GRXCR2: variants seen among roughly 807,000 people sequenced by gnomAD.
GRXCR2 encodes the protein glutaredoxin and cysteine rich domain containing 2, also known as glutaredoxin domain-containing cysteine-rich protein 2.
Under a neutral mutation model 24.8 loss-of-function variants are expected in GRXCR2, and 23 were observed. The observed-to-expected ratio is 0.93, with a 90% CI of 0.67 to 1.32. GRXCR2 has a LOEUF of 1.32. Among genes scored for constraint, GRXCR2 ranks in the 40% most tolerant of loss-of-function variants. The pLI is 0.00. For synonymous variants in GRXCR2, 130 were observed against 116.1 expected (o/e 1.12, Z -0.77); for missense variants, 315 against 303.4 (o/e 1.04, Z -0.28).
chr5:145,899,436 A>G (rs1756995690), intron 2 of GRXCR2, among the ~76,000 whole-genome samples: 2 of 152,304 alleles, frequency 1.3e-5, no homozygotes, highest in East Asian at 1.9e-4. Flanking sequence ...ATAAAAAAAG[A>G]GCTCAAATAG....
intron 2 of GRXCR2, among the ~76,000 whole-genome samples, chr5:145,862,826 C>A (rs1756363303): frequency 2.0e-5 from 3 of 152,190 alleles, no homozygotes; most frequent in Non-Finnish European, 4.4e-5. Context: ...GTTTCCCTAG[C>A]TGCAGAATGT....
At chr5:145,913,079 G>A (rs571693879) in intron 2 of GRXCR2, among the ~76,000 whole-genome samples, 16 of 152,268 alleles carry the variant, frequency 1.1e-4, no homozygotes, top group African/African-American at 3.4e-4. Flanking sequence ...AGTGACAAAA[G>A]TAGTACAGTA....
chr5:145,892,650 G>A (rs568453642), intron 2 of GRXCR2, among the ~76,000 whole-genome samples: 23 of 152,322 alleles, frequency 1.5e-4, no homozygotes, highest in African/African-American at 3.1e-4. Context: ...CCAAATCTAC[G>A]TCTGACTGGT....
At chr5:145,909,535 A>G (rs1033924602) in intron 2 of GRXCR2, among the ~76,000 whole-genome samples, 1 of 152,138 alleles carries the variant, frequency 6.6e-6, no homozygotes, top group African/African-American at 2.4e-5. Context: ...TGCCCCCCTC[A>G]GTGTAACTGC....
intron 2 of GRXCR2, among the ~76,000 whole-genome samples, chr5:145,930,585 G>A (rs1442159365): frequency 1.3e-5 from 2 of 151,840 alleles, no homozygotes; most frequent in African/African-American, 2.4e-5. Flanking sequence ...AAACTGATTC[G>A]ACATTTTAAA....
rs1040999832 is a variant in GRXCR2, at chr5:145,891,788, G to A, written c.-69-25060C>T. ...TCTGACAGCTTTGAAGAGAGTGGTG[G>A]TTCTCCCAGCATGCAGCTGGATATC... On this transcript the variant is annotated intron_variant, in intron 2 of 3. Coordinates refer to the GRXCR2 transcript ENST00000639411. Among the ~76,000 whole-genome samples the A allele has an allele frequency of 2.0e-5, 3 of 152,160 alleles. 1 individual carries two copies. Among genetic ancestry groups the A allele is most frequent in the Admixed American group, 1.3e-4 (2 of 15,284 alleles).
Position 145,859,482 on chromosome 5 carries a change from C to G in GRXCR2, c.*251G>C. 1 of 549,166 alleles carries G rather than the reference C, an allele frequency of 1.8e-6. No individual in the cohort carries two copies. The highest frequency in any genetic ancestry group is 2.2e-5 in the South Asian group (1 of 46,434). 34.0% of individuals were successfully genotyped at this position (549,166 alleles called of 1,614,324 possible). A position where few individuals can be genotyped will look rare whatever the true frequency, so the allele number is the denominator to read the frequency against. ...GTCAAGTGAGATACACTCACACCAT[C>G]CTGGAAGGATAATTTTAGAACCAGT... On this transcript the variant is annotated 3_prime_UTR_variant, in exon 3 of 3. Coordinates refer to ENST00000377976, the MANE Select transcript of GRXCR2 (RefSeq NM_001080516.2).
chr5:145,928,383 C>T (rs1389728678), intron 2 of GRXCR2, among the ~76,000 whole-genome samples: 1 of 152,074 alleles, frequency 6.6e-6, no homozygotes, highest in Non-Finnish European at 1.5e-5. Context: ...TACCATTTGA[C>T]CCAGCAATCC....
At chr5:145,907,890 G>A (rs377422062) in intron 2 of GRXCR2, among the ~76,000 whole-genome samples, 4 of 152,134 alleles carry the variant, frequency 2.6e-5, no homozygotes, top group East Asian at 1.9e-4. Context: ...ATGAAGTTCC[G>A]GTGTTTGTTT....
intron 2 of GRXCR2, among the ~76,000 whole-genome samples, chr5:145,860,719 T>C (rs1756322275): frequency 6.6e-6 from 1 of 152,056 alleles, no homozygotes; most frequent in Non-Finnish European, 1.5e-5. Context: ...GGACTGAGGC[T>C]ATTGTCTGCC....
chr5:145,913,492 T>C (rs1757194084), intron 2 of GRXCR2, among the ~76,000 whole-genome samples: 1 of 152,142 alleles, frequency 6.6e-6, no homozygotes, highest in Admixed American at 6.5e-5. Context: ...ATAAAGGTAT[T>C]TTAATACCCC....
chr5:145,876,191 GTATATATATATATA>G (rs748811333), upstream of GRXCR2, among the ~76,000 whole-genome samples: 2 of 105,312 alleles, frequency 1.9e-5, no homozygotes, highest in Admixed American at 2.0e-4. Context: ...GTGTGTGTGT[GTATATATATATATA>G]TATATATATA....
intron 2 of GRXCR2, among the ~76,000 whole-genome samples, chr5:145,892,789 A>G (rs1170230993): frequency 2.0e-5 from 3 of 152,232 alleles, no homozygotes; most frequent in African/African-American, 7.2e-5. Context: ...GAATGCCACA[A>G]AGATACTCCT....
At chr5:145,877,311 G>T (rs111967553), upstream of GRXCR2, among the ~76,000 whole-genome samples, 3,282 of 149,560 alleles carry the variant, frequency 0.022, 111 homozygotes, top group African/African-American at 0.075. Flanking sequence ...TAGTAGAAAG[G>T]TCGATTAAAA....
At chr5:145,901,869 C>T (rs1284722782) in intron 2 of GRXCR2, among the ~76,000 whole-genome samples, 1 of 152,178 alleles carries the variant, frequency 6.6e-6, no homozygotes, top group Non-Finnish European at 1.5e-5. Flanking sequence ...TGATTGCAAA[C>T]ATCTGCTGCA....
At position 145,914,659 on chromosome 5, in the gene GRXCR2, G is replaced by A. The variant is rs1405360259; in HGVS notation, c.-70+21042C>T. The stretch of plus-strand genomic sequence containing the variant: ...TCATAGCACTCCAGCCTGGGTGATC[G>A]AACAAGACTCCATCTCAAAAAAAAA... On this transcript the variant is annotated intron_variant, in intron 2 of 3. Coordinates refer to the GRXCR2 transcript ENST00000639411. Among the ~76,000 whole-genome samples, 9 of 105,416 alleles carry A rather than the reference G, an allele frequency of 8.5e-5. No homozygotes were observed. The Admixed American group carries it at 1.2e-3, about 14-fold the overall frequency. 69.2% of individuals were successfully genotyped at this position (105,416 alleles called of 152,430 possible).
intron 2 of GRXCR2, among the ~76,000 whole-genome samples, chr5:145,894,385 G>A (rs1273358068): frequency 6.6e-6 from 1 of 152,122 alleles, no homozygotes; most frequent in African/African-American, 2.4e-5. Context: ...TAGACCGCTA[G>A]CAAGACTAAC....
intron 2 of GRXCR2, among the ~76,000 whole-genome samples, chr5:145,921,273 T>C (rs993702146): frequency 6.6e-6 from 1 of 152,138 alleles, no homozygotes; most frequent in Non-Finnish European, 1.5e-5. Flanking sequence ...ACTTACACAT[T>C]CATTAGATAT....
intron 2 of GRXCR2, among the ~76,000 whole-genome samples, chr5:145,860,693 T>C (rs1209744689): frequency 6.6e-6 from 1 of 152,210 alleles, no homozygotes; most frequent in East Asian, 1.9e-4. Flanking sequence ...CTCTGTACTT[T>C]GGAGTTAATA....
Sources: gnomAD v4.1 joint callset for allele counts (sites outside exome capture counted in the v4.1 genomes callset) on GRCh38, gnomAD v4.1.1 for gene constraint, MANE v1.5 for transcripts, NCBI Gene and HGNC (gene_info 2026-07-23, HGNC 2026-07-21) for gene names.